The following NXPH1 variants were observed in gnomAD, a reference collection of about 807,000 sequenced individuals.
The protein encoded by NXPH1 is neurexophilin 1.
Under a neutral mutation model 23.7 loss-of-function variants are expected in NXPH1, and 5 were observed. The ratio of observed to expected loss-of-function variants is 0.21; its 90% CI spans 0.11 to 0.44. The LOEUF is 0.44. Among genes scored for constraint, NXPH1 ranks in the 20% least tolerant of loss-of-function variants. The pLI, the probability that NXPH1 is intolerant of heterozygous loss-of-function variation, is 0.99. For missense variants in NXPH1, 324 were observed against 321.6 expected, an observed-to-expected ratio of 1.01 and a Z score of -0.06; for synonymous variants, 144 against 122.2, an observed-to-expected ratio of 1.18 and a Z score of -1.18.
chr7:8,549,985 A>C (rs904895363), intron 2 of NXPH1, among the ~76,000 whole-genome samples: 9 of 151,604 alleles, frequency 5.9e-5, no homozygotes, highest in African/African-American at 1.9e-4. Flanking sequence ...ACAGAATGCA[A>C]GTTTGTATCT....
At chr7:8,500,973 C>G (rs1817420916) in intron 2 of NXPH1, among the ~76,000 whole-genome samples, 1 of 151,962 alleles carries the variant, frequency 6.6e-6, no homozygotes, top group Non-Finnish European at 1.5e-5. Context: ...ACATAATGTT[C>G]AGAAGTAAAT....
At chr7:8,584,197 A>G (rs919620757) in intron 2 of NXPH1, among the ~76,000 whole-genome samples, 3 of 152,210 alleles carry the variant, frequency 2.0e-5, no homozygotes, top group Non-Finnish European at 2.9e-5. Context: ...TGAATCTTAT[A>G]GAGCTGTAAA....
intron 2 of NXPH1, among the ~76,000 whole-genome samples, chr7:8,543,742 C>G (rs1164690555): frequency 3.3e-5 from 5 of 151,550 alleles, no homozygotes; most frequent in Non-Finnish European, 7.4e-5. Context: ...TATAATGGAT[C>G]CTTAATAAAT....
intron 2 of NXPH1, among the ~76,000 whole-genome samples, chr7:8,504,140 C>T (rs1817484077): frequency 1.3e-5 from 2 of 151,976 alleles, no homozygotes; most frequent in African/African-American, 2.4e-5. Context: ...AGATGTCCCT[C>T]TTTCCACAAA....
At chr7:8,709,419 C>A (rs954099478) in intron 2 of NXPH1, among the ~76,000 whole-genome samples, 8 of 152,080 alleles carry the variant, frequency 5.3e-5, no homozygotes, top group Admixed American at 2.6e-4. Context: ...TAAATATTTC[C>A]AGGATTTGTT....
chr7:8,639,310 C>T (rs13226767), intron 2 of NXPH1, among the ~76,000 whole-genome samples: 8,203 of 152,142 alleles, frequency 0.054, 453 homozygotes, highest in East Asian at 0.17. Context: ...AATGGAGATA[C>T]AAGGAATTCT....
At chr7:8,656,850 A>G (rs112596477) in intron 2 of NXPH1, among the ~76,000 whole-genome samples, 1 of 152,198 alleles carries the variant, frequency 6.6e-6, no homozygotes, top group African/African-American at 2.4e-5. Flanking sequence ...AATTTCATCC[A>G]TGTCCCTAGA....
At chr7:8,668,256 G>GT (rs75899225) in intron 2 of NXPH1, among the ~76,000 whole-genome samples, 4,426 of 79,132 alleles carry the variant, frequency 0.056, 126 homozygotes, top group Middle Eastern at 0.13. Flanking sequence ...ATGTCTCTTT[G>GT]TTTTTTTTTT....
chr7:8,469,632 C>T (rs774885185), intron 2 of NXPH1, among the ~76,000 whole-genome samples: 46 of 152,068 alleles, frequency 3.0e-4, no homozygotes, highest in Non-Finnish European at 5.0e-4. Context: ...ATTGAATAAG[C>T]TAACTTCATT....
At chr7:8,504,592 A>G (rs534065514) in intron 2 of NXPH1, among the ~76,000 whole-genome samples, 230 of 152,184 alleles carry the variant, frequency 1.5e-3, no homozygotes, top group African/African-American at 5.3e-3. Flanking sequence ...TAGTAAATGA[A>G]TGGAGAACAA....
chr7:8,466,967 G>C lies in NXPH1; in HGVS notation c.54+31200G>C, dbSNP rs556394822. Among the ~76,000 whole-genome samples, 65 of 152,164 alleles carry C rather than the reference G, an allele frequency of 4.3e-4. 1 individual carries two copies. The Middle Eastern group carries it at 0.01, about 24-fold the overall frequency. On this transcript the variant is annotated intron_variant, in intron 2 of 2. Coordinates refer to ENST00000405863, the MANE Select transcript of NXPH1 (RefSeq NM_152745.3). The stretch of plus-strand genomic sequence containing the variant: ...ATTTCCTTAATTTTTCCAAACCATA[G>C]TAGTTTCTGCATCTGTAAAATGGAG...
intron 2 of NXPH1, among the ~76,000 whole-genome samples, chr7:8,710,182 T>G (rs759359703): frequency 6.6e-6 from 1 of 152,202 alleles, no homozygotes; most frequent in Non-Finnish European, 1.5e-5. Context: ...TTTGAGCTCT[T>G]GATTAGAAGA....
At chr7:8,662,687 T>C (rs905638100) in intron 2 of NXPH1, among the ~76,000 whole-genome samples, 9 of 152,138 alleles carry the variant, frequency 5.9e-5, no homozygotes, top group Non-Finnish European at 1.2e-4. Flanking sequence ...AGCAAGTAAA[T>C]AAGTATCAGT....
At chr7:8,682,797 A>G (rs1821077705) in intron 2 of NXPH1, among the ~76,000 whole-genome samples, 1 of 152,244 alleles carries the variant, frequency 6.6e-6, no homozygotes, top group Non-Finnish European at 1.5e-5. Context: ...AAGATATGCC[A>G]TTTAAAGGAA....
chr7:8,697,910 C>A (rs1009317811), intron 2 of NXPH1, among the ~76,000 whole-genome samples: 2 of 152,130 alleles, frequency 1.3e-5, no homozygotes, highest in South Asian at 2.1e-4. Context: ...GAGATGACTC[C>A]TATAGGCAGG....
intron 2 of NXPH1, among the ~76,000 whole-genome samples, chr7:8,484,756 A>G (rs1302607343): frequency 6.6e-6 from 1 of 152,186 alleles, no homozygotes; most frequent in Non-Finnish European, 1.5e-5. Flanking sequence ...TTTCTATAAA[A>G]ATAGTGGTAT....
intron 2 of NXPH1, among the ~76,000 whole-genome samples, chr7:8,525,256 C>A (rs1584211484): frequency 6.6e-6 from 1 of 152,138 alleles, no homozygotes; most frequent in Non-Finnish European, 1.5e-5. Context: ...ATTTTTGGAA[C>A]TTTGAACTTG....
chr7:8,736,229 G>A (rs974721127), intron 2 of NXPH1, among the ~76,000 whole-genome samples: 10 of 152,052 alleles, frequency 6.6e-5, no homozygotes, highest in African/African-American at 2.4e-4. Context: ...TCAGGGTGTT[G>A]ATTTTAGATC....
intron 2 of NXPH1, among the ~76,000 whole-genome samples, chr7:8,722,959 C>T (rs1474215914): frequency 1.3e-5 from 2 of 152,160 alleles, no homozygotes; most frequent in Non-Finnish European, 2.9e-5. Flanking sequence ...AAAAATGTCA[C>T]AGTCAAACTG....
Sources: gnomAD v4.1 joint callset for allele counts (sites outside exome capture counted in the v4.1 genomes callset) on GRCh38, gnomAD v4.1.1 for gene constraint, MANE v1.5 for transcripts, NCBI Gene and HGNC (gene_info 2026-07-23, HGNC 2026-07-21) for gene names.